The following RGS5 variants were observed in gnomAD, a reference collection of about 807,000 sequenced individuals.
The protein encoded by RGS5 is regulator of G-protein signalling 5.
RGS5 carries 20 observed loss-of-function variants against 18.9 expected under a neutral mutation model. The observed-to-expected ratio is 1.06, with a 90% confidence interval of 0.74 to 1.54. The LOEUF (loss-of-function observed/expected upper bound fraction) is 1.54, where lower values mean the gene tolerates loss of function less well. Ranked by LOEUF, RGS5 falls within the 40% of genes most tolerant of loss-of-function variation. The pLI is 0.00. For synonymous variants in RGS5, 57 were observed against 76.2 expected, an observed-to-expected ratio of 0.75 and a Z score of 1.31; for missense variants, 201 against 211.8, an observed-to-expected ratio of 0.95 and a Z score of 0.32.
intron 3 of RGS5, among the ~76,000 whole-genome samples, chr1:163,159,377 C>G (rs779741646): frequency 3.3e-5 from 5 of 152,122 alleles, no homozygotes; most frequent in African/African-American, 1.2e-4. Context: ...TAAAGACAGG[C>G]GTAAGAAATT....
intron 2 of RGS5, among the ~76,000 whole-genome samples, chr1:163,271,357 G>A (rs1648712140): frequency 6.6e-6 from 1 of 152,162 alleles, no homozygotes; most frequent in Non-Finnish European, 1.5e-5. Context: ...CATGAAGGTA[G>A]AGCCCCCATG....
At chr1:163,164,026 C>T (rs1445818854) in intron 2 of RGS5, among the ~76,000 whole-genome samples, 2 of 152,162 alleles carry the variant, frequency 1.3e-5, no homozygotes, top group African/African-American at 2.4e-5. Flanking sequence ...CAGCACATCA[C>T]AGCCAAGATT....
chr1:163,225,231 T>C (rs924952832), intron 2 of RGS5, among the ~76,000 whole-genome samples: 4 of 152,150 alleles, frequency 2.6e-5, no homozygotes, highest in African/African-American at 9.7e-5. Flanking sequence ...AAGAGAAGAC[T>C]AGCTTCCTCA....
chr1:163,282,487 T>G (rs568269014), intron 2 of RGS5, among the ~76,000 whole-genome samples: 1 of 152,118 alleles, frequency 6.6e-6, no homozygotes, highest in South Asian at 2.1e-4. Flanking sequence ...GGCAGGAGGA[T>G]TGCTTGAAGC....
intron 1 of RGS5, chr1:163,211,267 C>T (rs2101671209): frequency 6.6e-6 from 1 of 152,046 alleles, no homozygotes; most frequent in South Asian, 2.1e-4. Context: ...CTTAAGGAGC[C>T]ATAAGGTTAA....
chr1:163,229,422 G>C (rs937346391), intron 2 of RGS5, among the ~76,000 whole-genome samples: 7 of 152,194 alleles, frequency 4.6e-5, no homozygotes, highest in African/African-American at 1.7e-4. Flanking sequence ...CCCTTGACAT[G>C]TGGGGATTAT....
intron 1 of RGS5, among the ~76,000 whole-genome samples, chr1:163,315,484 T>C (rs978204623): frequency 6.6e-6 from 1 of 152,196 alleles, no homozygotes; most frequent in Non-Finnish European, 1.5e-5. Context: ...AGGTTCTCTA[T>C]ACTAACTATA....
chr1:163,244,796 TA>T (rs1174238033), intron 2 of RGS5: 2 of 152,196 alleles, frequency 1.3e-5, no homozygotes, highest in Admixed American at 1.3e-4. Flanking sequence ...AAGGTTTAAT[TA>T]ACCAGAAAGC....
At chr1:163,315,955 G>T (rs1650008014) in intron 1 of RGS5, among the ~76,000 whole-genome samples, 1 of 152,034 alleles carries the variant, frequency 6.6e-6, no homozygotes, top group African/African-American at 2.4e-5. Context: ...ACTATGTAAG[G>T]TTAACACTAA....
intron 3 of RGS5, among the ~76,000 whole-genome samples, chr1:163,159,741 T>C (rs530363635): frequency 4.5e-4 from 69 of 152,350 alleles, no homozygotes; most frequent in African/African-American, 1.6e-3. Flanking sequence ...AAGATAATTA[T>C]GTGGAACTTA....
chr1:163,234,140 A>C (rs1197142901), intron 2 of RGS5, among the ~76,000 whole-genome samples: 1 of 152,214 alleles, frequency 6.6e-6, no homozygotes, highest in Non-Finnish European at 1.5e-5. Flanking sequence ...GGATAAGATC[A>C]CATATGCTTG....
chr1:163,149,051 T>G (rs140531102), intron 4 of RGS5, among the ~76,000 whole-genome samples: 4 of 152,344 alleles, frequency 2.6e-5, no homozygotes, highest in Non-Finnish European at 4.4e-5. Flanking sequence ...ACAGCAGGAC[T>G]GAGCTGTGCT....
chr1:163,162,263 T>G (rs1657833172), intron 2 of RGS5, among the ~76,000 whole-genome samples: 1 of 152,194 alleles, frequency 6.6e-6, no homozygotes, highest in Admixed American at 6.6e-5. Flanking sequence ...GTCTTGATAG[T>G]CTTATGTATC....
chr1:163,272,378 G>A (rs757919255), intron 2 of RGS5, among the ~76,000 whole-genome samples: 2 of 151,756 alleles, frequency 1.3e-5, no homozygotes, highest in Non-Finnish European at 2.9e-5. Context: ...TTTCTTCATG[G>A]TATCCTTTGA....
At chr1:163,180,861 A>AT (rs1295173883) in intron 1 of RGS5, among the ~76,000 whole-genome samples, 1 of 151,300 alleles carries the variant, frequency 6.6e-6, no homozygotes, top group African/African-American at 2.4e-5. Flanking sequence ...CGCCCGGCTA[A>AT]TTTTTTGTAT....
chr1:163,197,884 A>C (rs994800742), intron 1 of RGS5, among the ~76,000 whole-genome samples: 5 of 152,136 alleles, frequency 3.3e-5, no homozygotes, highest in African/African-American at 1.2e-4. Context: ...CAGTTGTTCA[A>C]GCTAATTGCC....
At chr1:163,313,116 T>C (rs1260479431) in intron 1 of RGS5, among the ~76,000 whole-genome samples, 5 of 152,194 alleles carry the variant, frequency 3.3e-5, no homozygotes, top group African/African-American at 1.2e-4. Flanking sequence ...TTCAGATAAA[T>C]AGTTCAATAT....
intron 4 of RGS5, among the ~76,000 whole-genome samples, chr1:163,149,277 A>C (rs1557878686): frequency 1.3e-5 from 2 of 152,152 alleles, no homozygotes; most frequent in Non-Finnish European, 2.9e-5. Flanking sequence ...AGGTGAGACT[A>C]TAACATAGAT....
intron 2 of RGS5, chr1:163,248,565 G>A (rs963538589): frequency 6.6e-6 from 1 of 152,010 alleles, no homozygotes; most frequent in East Asian, 1.9e-4. Flanking sequence ...CAGAGAAGAA[G>A]AGTTTGCTCA....
Sources: gnomAD v4.1 joint callset for allele counts (sites outside exome capture counted in the v4.1 genomes callset) on GRCh38, gnomAD v4.1.1 for gene constraint, MANE v1.5 for transcripts, NCBI Gene and HGNC (gene_info 2026-07-23, HGNC 2026-07-21) for gene names.